The following OR2T29 variants were observed in gnomAD, a reference collection of about 807,000 sequenced individuals.
OR2T29 encodes olfactory receptor family 2 subfamily T member 29.
For missense variants in OR2T29, 7 were observed against 121.9 expected, an observed-to-expected ratio of 0.06 and a Z score of 4.44; for synonymous variants, 2 against 44.9, an observed-to-expected ratio of 0.04 and a Z score of 3.82.
At chr1:248,559,792 C>CT (rs1327452872) in intron 1 of OR2T29, among the ~76,000 whole-genome samples, 1 of 69,892 alleles carries the variant, frequency 1.4e-5, no homozygotes, top group Non-Finnish European at 3.7e-5. Flanking sequence ...AACCTCCCTC[C>CT]TCTGCTAACA....
At chr1:248,560,230 T>C (rs1261192799) in intron 1 of OR2T29, among the ~76,000 whole-genome samples, 1 of 54,000 alleles carries the variant, frequency 1.9e-5, no homozygotes, top group African/African-American at 3.4e-5. Flanking sequence ...AAAATCATGT[T>C]TGAGCTCAGG....
chr1:248,560,468 T>C (rs1463397953), intron 1 of OR2T29, among the ~76,000 whole-genome samples: 5 of 72,374 alleles, frequency 6.9e-5, no homozygotes, highest in African/African-American at 1.4e-4. Context: ...AAAATAAAAA[T>C]GGCAGAAGTT....
intron 1 of OR2T29, chr1:248,562,488 T>C (rs1659539465): frequency 6.9e-6 from 1 of 144,532 alleles, no homozygotes; most frequent in Non-Finnish European, 1.5e-5. Flanking sequence ...TATATTATTA[T>C]GTCCATAAAT....
At chr1:248,562,237 G>A (rs1278439991) in intron 1 of OR2T29, among the ~76,000 whole-genome samples, 3 of 150,582 alleles carry the variant, frequency 2.0e-5, no homozygotes, top group South Asian at 2.1e-4. Context: ...GCCAGCGCAC[G>A]TAACTCTGCC....
chr1:248,560,297 C>T (rs1230716415), intron 1 of OR2T29, among the ~76,000 whole-genome samples: 1 of 88,956 alleles, frequency 1.1e-5, no homozygotes, highest in African/African-American at 2.6e-5. Flanking sequence ...GTACAGTTTC[C>T]GATGAATAAA....
intron 1 of OR2T29, among the ~76,000 whole-genome samples, chr1:248,560,388 A>T (rs1397470276): frequency 1.0e-5 from 1 of 95,422 alleles, no homozygotes; most frequent in African/African-American, 2.6e-5. Context: ...TGCTACTATT[A>T]TTATATAAGA....
chr1:248,562,133 C>G (rs1189911392), intron 1 of OR2T29, among the ~76,000 whole-genome samples: 1 of 148,916 alleles, frequency 6.7e-6, no homozygotes, highest in Non-Finnish European at 1.5e-5. Context: ...TATTTTCTCT[C>G]TTTACATATT....
intron 1 of OR2T29, 198 bp downstream of exon 1, chr1:248,562,528 A>G (rs1345320483): frequency 6.9e-6 from 1 of 145,310 alleles, no homozygotes; most frequent in South Asian, 2.2e-4. Context: ...ATTTACCATT[A>G]TGTCACAGTA....
intron 1 of OR2T29, among the ~76,000 whole-genome samples, chr1:248,561,918 C>A (rs1408692831): frequency 7.2e-6 from 1 of 139,560 alleles, no homozygotes; most frequent in Non-Finnish European, 1.6e-5. Context: ...TGAACTGGCC[C>A]CCTGTTCATT....
rs1558379838 is a variant in OR2T29, at chr1:248,557,415, T to TTTTC, written c.*1125_*1128dup. On this transcript the variant is annotated 3_prime_UTR_variant, in exon 2 of 2. Coordinates refer to ENST00000641069, the MANE Select transcript of OR2T29 (RefSeq NM_001004694.3). ...CATCACACACTCATCTGAGGGTAAC[T>TTTTC]TTTCGTCACTATTCAGCACTGAGCC... 1 of 95,422 alleles carries TTTTC rather than the reference T, an allele frequency of 1.0e-5. No individual in the cohort carries two copies. Among genetic ancestry groups the TTTTC allele is most frequent in the Non-Finnish European group, 2.1e-5 (1 of 46,892 alleles). 5.9% of individuals were successfully genotyped at this position (95,422 alleles called of 1,614,324 possible). A position where few individuals can be genotyped will look rare whatever the true frequency, so the allele number is the denominator to read the frequency against.
chr1:248,560,383 C>G (rs1409855544), intron 1 of OR2T29, among the ~76,000 whole-genome samples: 1 of 96,160 alleles, frequency 1.0e-5, no homozygotes, highest in African/African-American at 2.5e-5. Context: ...ATTGTTGCTA[C>G]TATTATTATA....
intron 1 of OR2T29, among the ~76,000 whole-genome samples, chr1:248,560,142 C>A (rs1043281686): frequency 3.0e-5 from 1 of 32,888 alleles, no homozygotes; most frequent in African/African-American, 4.7e-5. Context: ...GAGGAGCCCA[C>A]ACACAGTAGA....
chr1:248,560,503 CT>C (rs1659523636), intron 1 of OR2T29, among the ~76,000 whole-genome samples: 2 of 42,816 alleles, frequency 4.7e-5, no homozygotes, highest in African/African-American at 8.1e-5. Context: ...ATATGACCCA[CT>C]TTAAAAAAAA....
chr1:248,562,367 A>ACC (rs10654932), intron 1 of OR2T29, among the ~76,000 whole-genome samples: 19,748 of 129,276 alleles, frequency 0.15, 2,012 homozygotes, highest in African/African-American at 0.37. Flanking sequence ...GTGTTTTGTA[A>ACC]CCCTCAGAAA....
chr1:248,560,597 ACACAGGTG>A (rs1300029419), intron 1 of OR2T29, among the ~76,000 whole-genome samples: 17 of 33,842 alleles, frequency 5.0e-4, no homozygotes, highest in African/African-American at 6.9e-4. Context: ...ATGTAAACAT[ACACAGGTG>A]AATATATAAC....
At chr1:248,562,197 T>G (rs1468620791) in intron 1 of OR2T29, among the ~76,000 whole-genome samples, 1 of 150,810 alleles carries the variant, frequency 6.6e-6, no homozygotes, top group African/African-American at 2.4e-5. Context: ...TAACCTGAGA[T>G]AGAACGCACG....
In OR2T29 at chr1:248,556,982, GC is replaced by G. The variant is rs1435502431; in HGVS notation, c.*1561del. The G allele has an allele frequency of 3.2e-4, 45 of 142,856 alleles. No individual in the cohort carries two copies. The highest frequency in any genetic ancestry group is 3.8e-3 in the Middle Eastern group (1 of 260). 8.8% of individuals were successfully genotyped at this position (142,856 alleles called of 1,614,324 possible). A position where few individuals can be genotyped will look rare whatever the true frequency, so the allele number is the denominator to read the frequency against. On this transcript the variant is annotated 3_prime_UTR_variant, in exon 2 of 2. Coordinates refer to ENST00000641069, the MANE Select transcript of OR2T29 (RefSeq NM_001004694.3). ...CCTGATTATTCGCAAGTTGTACATAGCCAATTAGGAAGTTATAGCATGCAGC... is the reference window on the plus strand; with the variant it reads ...CCTGATTATTCGCAAGTTGTACATAGCAATTAGGAAGTTATAGCATGCAGC...
rs1204916019 is a variant in OR2T29, at chr1:248,562,389, CAAAAG to C, written c.-11+332_-11+336del. On this transcript the variant is annotated intron_variant, in intron 1 of 1. Coordinates refer to ENST00000641069, the MANE Select transcript of OR2T29 (RefSeq NM_001004694.3). ...GTAACCCTCAGAAATAATCCCCTCT[CAAAAG>C]AAAATCAGTCACTTTTCCTCTATAA... Among the ~76,000 whole-genome samples the C allele has an allele frequency of 3.6e-5, 5 of 139,386 alleles. 2 individuals are homozygous for C. Among genetic ancestry groups the C allele is most frequent in the Non-Finnish European group, 7.7e-5 (5 of 65,328 alleles). The allele number at this position is 139,386 out of a possible 152,430, so 91.4% of individuals were successfully genotyped here.
At chr1:248,562,274 C>T (rs1223525788) in intron 1 of OR2T29, among the ~76,000 whole-genome samples, 1 of 148,924 alleles carries the variant, frequency 6.7e-6, no homozygotes, top group East Asian at 2.0e-4. Flanking sequence ...CACCATCCTC[C>T]CTCTGCAGTC....
Sources: allele counts gnomAD v4.1 joint callset (sites outside exome capture counted in the v4.1 genomes callset), GRCh38; gene constraint gnomAD v4.1.1; transcripts MANE v1.5; gene names NCBI Gene and HGNC (gene_info 2026-07-23, HGNC 2026-07-21).